Variants in SYNE2 observed in about 807,000 individuals in gnomAD.
SYNE2 encodes spectrin repeat containing nuclear envelope protein 2, also known as nesprin-2.
SYNE2 carries 431 observed loss-of-function variants against 856.3 expected under a neutral mutation model. The observed-to-expected ratio is 0.50, with a 90% confidence interval of 0.47 to 0.55. The LOEUF (loss-of-function observed/expected upper bound fraction) is 0.55. Among genes scored for constraint, SYNE2 ranks in the 20% least tolerant of loss-of-function variants. The pLI is 0.00. For missense variants in SYNE2, 8,129 were observed against 8,023.2 expected (o/e 1.01, Z -0.50); for synonymous variants, 2,923 against 2,872.3 (o/e 1.02, Z -0.56).
intron 2 of SYNE2, among the ~76,000 whole-genome samples, chr14:63,932,226 A>G (rs183288291): frequency 1.3e-5 from 2 of 152,194 alleles, no homozygotes; most frequent in Non-Finnish European, 2.9e-5. Flanking sequence ...TACTAAAAAT[A>G]CAAAAATTAG....
At chr14:63,863,458 A>T (rs1258621591) in intron 1 of SYNE2, among the ~76,000 whole-genome samples, 1 of 152,226 alleles carries the variant, frequency 6.6e-6, no homozygotes, top group Non-Finnish European at 1.5e-5. Context: ...TCTGTGTGAT[A>T]CATGAATTAA....
At chr14:64,224,347 T>C (rs2098708499) in intron 113 of SYNE2, 114 bp from the exon 114 acceptor site, 1 of 1,059,938 alleles carries the variant, frequency 9.4e-7, no homozygotes, top group Non-Finnish European at 1.5e-6. Context: ...TGAGACTGTC[T>C]AAAACAAAAC....
At chr14:63,946,655 A>G (rs1595804678) in intron 6 of SYNE2, among the ~76,000 whole-genome samples, 1 of 96,518 alleles carries the variant, frequency 1.0e-5, no homozygotes, top group Admixed American at 1.0e-4. Context: ...ATATGATATA[A>G]TATATATACT....
chr14:64,183,045 G>T (rs1477312749), intron 96 of SYNE2, among the ~76,000 whole-genome samples: 1 of 149,566 alleles, frequency 6.7e-6, no homozygotes, highest in African/African-American at 2.5e-5. Context: ...CGGACGGGGC[G>T]GCTGCTGGGC....
chr14:64,099,126 T>G (rs906510624), intron 63 of SYNE2: 12 of 387,066 alleles, frequency 3.1e-5, no homozygotes, highest in Non-Finnish European at 5.8e-5. Context: ...GCATGCTGTT[T>G]GGCACTCCTG....
intron 1 of SYNE2, among the ~76,000 whole-genome samples, chr14:63,886,363 T>C (rs1225554676): frequency 6.6e-6 from 1 of 152,224 alleles, no homozygotes; most frequent in Non-Finnish European, 1.5e-5. Context: ...ATTAGAATAA[T>C]TGATTATAAT....
intron 80 of SYNE2, among the ~76,000 whole-genome samples, chr14:64,140,631 C>G (rs144389073): frequency 6.6e-6 from 1 of 152,232 alleles, no homozygotes; most frequent in Non-Finnish European, 1.5e-5. Context: ...ACAAAAAATA[C>G]AAGACCCAAA....
At chr14:64,142,238 G>A in intron 82 of SYNE2, 150 bp downstream of exon 82, 1 of 924,898 alleles carries the variant, frequency 1.1e-6, no homozygotes, top group South Asian at 1.5e-5. Flanking sequence ...CTGGAGAGAT[G>A]TTAGTAGACT....
At chr14:64,072,031 C>A (rs2097414040) in intron 52 of SYNE2, among the ~76,000 whole-genome samples, 1 of 152,064 alleles carries the variant, frequency 6.6e-6, no homozygotes, top group African/African-American at 2.4e-5. Flanking sequence ...AAAAATGTAA[C>A]TAGCTGTATA....
intron 57 of SYNE2, among the ~76,000 whole-genome samples, chr14:64,086,635 A>ATCTCT (rs2097563500): frequency 6.7e-6 from 1 of 150,256 alleles, no homozygotes; most frequent in African/African-American, 2.5e-5. Flanking sequence ...GGAACATGGT[A>ATCTCT]TATCTCTTTA....
rs1182610297 is a variant in SYNE2 at position 64,188,602 on chromosome 14, T to G, written c.17765T>G (p.Phe5922Cys). ...IEDRLNTWVV[F>C]NEKNKELCAW... The stretch of plus-strand genomic sequence containing the variant: ...GACAGACTCAATACATGGGTTGTAT[T>G]CAATGAAAAAAATAAAGAGTTGTGT... The change falls in exon 98 of 116, where the codon TTC (phenylalanine) becomes TGC (cysteine). Residue 5922 changes from phenylalanine to cysteine, a missense_variant. By Grantham distance (205) the Phe-to-Cys change is radical. Transcript: ENST00000555002. 6.2e-7 allele frequency: 1 copy of G among 1,614,166 alleles called. No individual in the cohort carries two copies. Among genetic ancestry groups the G allele is most frequent in the South Asian group, 1.1e-5 (1 of 91,066 alleles).
At chr14:64,006,941 G>T (rs879121690) in intron 30 of SYNE2, 102 bp from the exon 31 acceptor site, 1 of 908,018 alleles carries the variant, frequency 1.1e-6, no homozygotes, top group South Asian at 1.4e-5. Flanking sequence ...TTAACCACAT[G>T]AGGACAAATT....
chr14:64,156,821 A>T (rs1656964263), intron 85 of SYNE2, among the ~76,000 whole-genome samples: 1 of 152,182 alleles, frequency 6.6e-6, no homozygotes, highest in South Asian at 2.1e-4. Flanking sequence ...TGCCCTTGTA[A>T]AGACATTCAG....
intron 48 of SYNE2, among the ~76,000 whole-genome samples, chr14:64,053,926 G>A (rs1158470801): frequency 1.3e-5 from 2 of 152,114 alleles, no homozygotes; most frequent in African/African-American, 2.4e-5. Context: ...TCAACATCCC[G>A]GCACTGCTCT....
intron 1 of SYNE2, among the ~76,000 whole-genome samples, chr14:63,828,718 G>A (rs1389673331): frequency 6.6e-6 from 1 of 151,772 alleles, no homozygotes; most frequent in African/African-American, 2.4e-5. Flanking sequence ...GCAACAGAGT[G>A]AGACTCCATC....
At chr14:64,152,506 C>T (rs1436313196) in intron 84 of SYNE2, 58 bp from the exon 85 acceptor site, 1 of 1,571,402 alleles carries the variant, frequency 6.4e-7, no homozygotes, top group Non-Finnish European at 8.7e-7. Context: ...GTCTCTGACA[C>T]CTTATTAATT....
In SYNE2 at chr14:64,135,721, G is replaced by GA. The variant is rs1400177318; in HGVS notation, c.14646+1528dup. Among the ~76,000 whole-genome samples the GA allele has an allele frequency of 2.6e-5, 4 of 152,120 alleles. No homozygotes were observed. In the East Asian group the frequency reaches 7.7e-4, roughly 29 times the overall value. On this transcript the variant is annotated intron_variant, in intron 78 of 115. Coordinates refer to ENST00000555002, the MANE Select transcript of SYNE2 (RefSeq NM_182914.3). ...TCTATTACATTTGAAATATTAAAAA[G>GA]AAAAAAATTGTTCTAAGACTTTTAA...
At chr14:64,148,157 A>G (rs1037698122) in intron 84 of SYNE2, among the ~76,000 whole-genome samples, 13 of 152,120 alleles carry the variant, frequency 8.5e-5, no homozygotes, top group Non-Finnish European at 1.9e-4. Flanking sequence ...ACAAAAAACT[A>G]TTTAAAAATT....
At chr14:64,083,579 C>T (rs966705841) in intron 57 of SYNE2, among the ~76,000 whole-genome samples, 1 of 152,160 alleles carries the variant, frequency 6.6e-6, no homozygotes, top group Non-Finnish European at 1.5e-5. Flanking sequence ...AAGGAAGGCT[C>T]GGGTTTATTT....
Sources: gnomAD v4.1 joint callset for allele counts (sites outside exome capture counted in the v4.1 genomes callset) on GRCh38, gnomAD v4.1.1 for gene constraint, MANE v1.5 for transcripts, NCBI Gene and HGNC (gene_info 2026-07-23, HGNC 2026-07-21) for gene names.